PTBP2: variants seen among roughly 807,000 people sequenced by gnomAD.
PTBP2 encodes the protein polypyrimidine tract-binding protein 2.
Under a neutral mutation model 61.4 loss-of-function variants are expected in PTBP2, and 13 were observed. The observed-to-expected ratio is 0.21, with a 90% CI of 0.14 to 0.34. The LOEUF is 0.34. Ranked by LOEUF, PTBP2 falls within the 10% of genes least tolerant of loss-of-function variation. The pLI is 1.00. For missense variants in PTBP2, 405 were observed against 642.6 expected, an observed-to-expected ratio of 0.63 and a Z score of 4.00; for synonymous variants, 215 against 218.5, an observed-to-expected ratio of 0.98 and a Z score of 0.14.
intron 3 of PTBP2, among the ~76,000 whole-genome samples, chr1:96,763,423 C>T (rs889865461): frequency 1.1e-4 from 16 of 152,070 alleles, no homozygotes; most frequent in Middle Eastern, 3.4e-3. Context: ...CAAAAAAATA[C>T]GAAAACCAGT....
Position 96,751,496 on chromosome 1 carries a change from T to G in PTBP2, c.111T>G (p.Val37=), listed in dbSNP as rs1036657319. ...ACTCTAATATGAGCAGCATGGTAGT[T>G]ACAGGTAAGTGTTACTCTCTTAGCA... The part of the protein sequence containing the change: ...SPNSNMSSMV[V]TANGNDSKKF... The change falls in exon 3 of 14, where the codon GTT becomes GTG. Residue 37 remains valine (V), a synonymous_variant. Transcript: ENST00000674951. 1.1e-5 allele frequency: 18 copies of G among 1,610,106 alleles called. No homozygotes were observed. Among genetic ancestry groups the G allele is most frequent in the Admixed American group, 1.7e-5 (1 of 59,948 alleles).
chr1:96,785,171 G>C lies in PTBP2; in HGVS notation c.821G>C (p.Arg274Pro). ...AATGATAAAAGTAGGGATTATACTC[G>C]ACCTGATCTTCCATCTGGGGATGGA... ...YNNDKSRDYT[R>P]PDLPSGDGQP... Residue 274 changes from arginine (R) to proline (P), a missense_variant, in exon 8 of 14, where the codon CGA (arginine) becomes CCA (proline). Arg to Pro is a moderately radical substitution (Grantham distance 103). Around this residue, in one of 4 missense-constraint regions of PTBP2, gnomAD observed 342 missense variants for 491.2 expected, o/e 0.70. Transcript: ENST00000674951. 1 of 1,610,762 alleles carries C rather than the reference G, an allele frequency of 6.2e-7. No homozygotes were observed. Among genetic ancestry groups the C allele is most frequent in the Non-Finnish European group, 8.5e-7 (1 of 1,178,578 alleles).
intron 11 of PTBP2, among the ~76,000 whole-genome samples, chr1:96,809,341 AAATC>A (rs1156884375): frequency 6.6e-6 from 1 of 152,238 alleles, no homozygotes; most frequent in African/African-American, 2.4e-5. Flanking sequence ...CATTTTTGAA[AAATC>A]AGTCACATAC....
intron 2 of PTBP2, among the ~76,000 whole-genome samples, chr1:96,726,117 AC>A (rs1367433794): frequency 4.8e-5 from 7 of 146,804 alleles, no homozygotes; most frequent in Admixed American, 2.1e-4. Context: ...AAAAATTCAA[AC>A]TGCTTCACAG....
chr1:96,727,824 ATCT>A (rs1040670661), intron 2 of PTBP2, among the ~76,000 whole-genome samples: 71 of 152,208 alleles, frequency 4.7e-4, no homozygotes, highest in African/African-American at 1.6e-3. Flanking sequence ...TCTGCCACTC[ATCT>A]TCTTATTCTC....
At chr1:96,762,389 C>G (rs1379438489) in intron 3 of PTBP2, among the ~76,000 whole-genome samples, 1 of 148,182 alleles carries the variant, frequency 6.7e-6, no homozygotes, top group Non-Finnish European at 1.5e-5. Context: ...GCTGGCCGGG[C>G]GGGGGGCTGA....
chr1:96,764,380 A>G (rs1656408840), intron 3 of PTBP2, among the ~76,000 whole-genome samples: 1 of 152,208 alleles, frequency 6.6e-6, no homozygotes. Flanking sequence ...ATTTGTAACT[A>G]TTTAGCAGTG....
chr1:96,732,499 T>C (rs556464192), intron 2 of PTBP2, among the ~76,000 whole-genome samples: 2 of 152,306 alleles, frequency 1.3e-5, no homozygotes, highest in African/African-American at 2.4e-5. Context: ...ACATATTAAA[T>C]AGTACATATA....
chr1:96,762,351 A>C lies in PTBP2; in HGVS notation c.116-7352A>C, dbSNP rs972143237. Among the ~76,000 whole-genome samples the C allele has an allele frequency of 5.6e-4, 83 of 147,970 alleles. 2 individuals are homozygous for C. The highest frequency in any genetic ancestry group is 8.2e-4 in the Non-Finnish European group (55 of 67,208). On this transcript the variant is annotated intron_variant, in intron 3 of 13. Transcript: ENST00000674951. ...CTCCCCAGTAGGGGCAGCCGGGCAG[A>C]GGCGCCCCTCACCTCCCGGATGGGG...
At chr1:96,754,364 G>T (rs113254426) in intron 3 of PTBP2, among the ~76,000 whole-genome samples, 7 of 152,158 alleles carry the variant, frequency 4.6e-5, no homozygotes, top group African/African-American at 1.7e-4. Flanking sequence ...GTATTATGGG[G>T]TTTATTATGT....
intron 8 of PTBP2, among the ~76,000 whole-genome samples, chr1:96,795,300 T>C (rs1170179621): frequency 1.3e-5 from 2 of 152,122 alleles, no homozygotes; most frequent in East Asian, 1.9e-4. Context: ...AAAATGAGAA[T>C]GCAAAGTAAG....
intron 8 of PTBP2, among the ~76,000 whole-genome samples, chr1:96,799,595 C>T (rs1660773210): frequency 1.3e-5 from 2 of 152,230 alleles, no homozygotes; most frequent in South Asian, 4.1e-4. Flanking sequence ...CCTCACATAT[C>T]TGCTGCCTTA....
rs570730946 is a variant in PTBP2, at chr1:96,813,140, C to T, written c.1466+34C>T. Reference sequence around the variant, plus strand: ...GCTTCCTTATCTTTAAATTAGTGACCTGATAAAATTTTTAAGTAGTTTTTG... The same window carrying T: ...GCTTCCTTATCTTTAAATTAGTGACTTGATAAAATTTTTAAGTAGTTTTTG... On this transcript the variant is annotated intron_variant, in intron 13 of 13. Coordinates refer to ENST00000674951, the MANE Select transcript of PTBP2 (RefSeq NM_021190.4). 1.2e-5 allele frequency: 18 copies of T among 1,565,162 alleles called. No homozygotes were observed. In the South Asian group the frequency reaches 1.3e-4, roughly 11 times the overall value.
chr1:96,805,137 T>C (rs1553187989), intron 9 of PTBP2, among the ~76,000 whole-genome samples, 198 bp downstream of exon 9: 1 of 152,144 alleles, frequency 6.6e-6, no homozygotes, highest in Non-Finnish European at 1.5e-5. Flanking sequence ...TCATGTCTCT[T>C]TATATCTATA....
rs752648328 is a variant in PTBP2, at chr1:96,751,445, C to T, written c.60C>T (p.Leu20=). 1 of 1,612,820 alleles carries T rather than the reference C, an allele frequency of 6.2e-7. No individual in the cohort carries two copies. The highest frequency in any genetic ancestry group is 8.5e-7 in the Non-Finnish European group (1 of 1,179,090). The change falls in exon 3 of 14, where the codon CTC becomes CTT. Residue 20 remains leucine, a synonymous_variant. Transcript: ENST00000674951. The part of the protein sequence containing the change: ...VGVKRGSDEL[L]SGSVLSSPNS... Reference sequence around the variant, plus strand: ...CATAGAGAGGATCTGACGAACTACTCTCAGGCAGTGTTCTCAGTAGTCCGA... The same window carrying T: ...CATAGAGAGGATCTGACGAACTACTTTCAGGCAGTGTTCTCAGTAGTCCGA...
intron 8 of PTBP2, among the ~76,000 whole-genome samples, chr1:96,795,780 C>G (rs1228712629): frequency 6.6e-6 from 1 of 152,056 alleles, no homozygotes; most frequent in Non-Finnish European, 1.5e-5. Context: ...GATGGTAGAT[C>G]AGAAGTAAAG....
intron 3 of PTBP2, among the ~76,000 whole-genome samples, chr1:96,759,593 A>G (rs915870150): frequency 6.6e-6 from 1 of 152,210 alleles, no homozygotes; most frequent in African/African-American, 2.4e-5. Context: ...GTTTTTAGGA[A>G]AAAGCATAGG....
chr1:96,763,027 C>G (rs1188521804), intron 3 of PTBP2, among the ~76,000 whole-genome samples: 1 of 150,416 alleles, frequency 6.6e-6, no homozygotes, highest in Non-Finnish European at 1.5e-5. Flanking sequence ...GGATGGCGGC[C>G]GGGAAGAGGC....
chr1:96,817,906 T>C (rs1662542914), downstream of PTBP2: 1 of 152,232 alleles, frequency 6.6e-6, no homozygotes, highest in African/African-American at 2.4e-5. Flanking sequence ...TTATAATTTT[T>C]AACAGACTGT....
Sources: allele counts gnomAD v4.1 joint callset (sites outside exome capture counted in the v4.1 genomes callset), GRCh38; gene constraint gnomAD v4.1.1; regional missense constraint gnomAD v4.1.1; transcripts MANE v1.5; gene names NCBI Gene and HGNC (gene_info 2026-07-23, HGNC 2026-07-21).